Variants in MGA observed in about 807,000 individuals in gnomAD.
MGA encodes MAX dimerization protein MGA.
MGA carries 40 observed loss-of-function variants against 261.1 expected under a neutral mutation model. The ratio of observed to expected loss-of-function variants is 0.15; its 90% CI spans 0.12 to 0.20. The LOEUF (loss-of-function observed/expected upper bound fraction) is 0.20. Ranked by LOEUF, MGA falls within the 10% of genes least tolerant of loss-of-function variation. MGA has a pLI of 1.00. For synonymous variants in MGA, 1,302 were observed against 1,290.6 expected (o/e 1.01, Z -0.19); for missense variants, 3,397 against 3,630.5 (o/e 0.94, Z 1.65).
chr15:41,740,195 G>A lies in MGA; in HGVS notation c.4577G>A (p.Arg1526Gln), dbSNP rs373262820. The stretch of plus-strand genomic sequence containing the variant: ...CTGAAGGCGTTTGTCCCAGCAAAAC[G>A]GCCAATTGGTAAGTTGGGGTGTATG... The change falls in exon 14 of 24, where the codon CGG (arginine) becomes CAG (glutamine). Residue 1526 changes from arginine to glutamine, a missense_variant. Around this residue, in one of 9 missense-constraint regions of MGA, gnomAD observed 1,410 missense variants for 1,386.4 expected, o/e 1.02. Transcript: ENST00000219905. 29 of 1,613,626 alleles carry A rather than the reference G, an allele frequency of 1.8e-5. No individual in the cohort carries two copies. The highest frequency in any genetic ancestry group is 6.7e-5 in the Admixed American group (4 of 59,984).
At chr15:41,636,524 G>C (rs1351226073) in intron 1 of MGA, among the ~76,000 whole-genome samples, 4 of 150,872 alleles carry the variant, frequency 2.7e-5, no homozygotes, top group Admixed American at 1.3e-4. Flanking sequence ...ACAGTGGCGG[G>C]ATCTCGGCTC....
chr15:41,653,548 A>C (rs2057109573), intron 1 of MGA, among the ~76,000 whole-genome samples: 1 of 151,908 alleles, frequency 6.6e-6, no homozygotes, highest in Non-Finnish European at 1.5e-5. Context: ...TCTACGTTAA[A>C]AAATATATAT....
intron 1 of MGA, among the ~76,000 whole-genome samples, chr15:41,623,017 C>G (rs1349895420): frequency 6.6e-6 from 1 of 152,170 alleles, no homozygotes; most frequent in Non-Finnish European, 1.5e-5. Context: ...GTTCTAAATA[C>G]TTTCTACTGT....
At chr15:41,677,644 T>C (rs1161586699) in intron 2 of MGA, among the ~76,000 whole-genome samples, 1 of 152,216 alleles carries the variant, frequency 6.6e-6, no homozygotes, top group Non-Finnish European at 1.5e-5. Flanking sequence ...TTAATGGGTA[T>C]GAAGGGATAG....
intron 1 of MGA, among the ~76,000 whole-genome samples, chr15:41,625,116 T>C (rs2056415565): frequency 6.6e-6 from 1 of 152,120 alleles, no homozygotes; most frequent in African/African-American, 2.4e-5. Flanking sequence ...CACTCCAGAT[T>C]GGCCAACAGA....
In MGA at chr15:41,710,948, T is replaced by C; in HGVS notation, c.2683T>C (p.Ser895Pro). The C allele has an allele frequency of 6.2e-7, 1 of 1,613,974 alleles. No individual in the cohort carries two copies. Among genetic ancestry groups the C allele is most frequent in the Non-Finnish European group, 8.5e-7 (1 of 1,179,884 alleles). ...GAAACCTCATTCTGTACCCCCTGTC[T>C]CTCGAAAGGCAAAGTCTCAAAACAG... The change falls in exon 8 of 24, where the codon TCT becomes CCT. Residue 895 changes from serine (S) to proline (P), a missense_variant. Physicochemically the swap from Ser to Pro is moderately conservative, Grantham distance 74. Transcript: ENST00000219905.
rs755505535 is a variant in MGA at position 41,749,470 on chromosome 15, G to A, written c.5863G>A (p.Val1955Ile). Residue 1955 changes from valine (V) to isoleucine (I), a missense_variant, in exon 17 of 24, where the codon GTT becomes ATT. By Grantham distance (29) the Val-to-Ile change is conservative. Coordinates refer to ENST00000219905, the MANE Select transcript of MGA (RefSeq NM_001164273.2). ...GTTACAGCTCCCAGGACAAAAGCCT[G>A]TTCCTAGCTCCATTCTTCAGCATGT... The A allele has an allele frequency of 7.4e-6, 12 of 1,613,826 alleles. No homozygotes were observed. Among genetic ancestry groups the A allele is most frequent in the African/African-American group, 1.3e-5 (1 of 74,920 alleles).
At chr15:41,707,655 G>A in intron 5 of MGA, 73 bp from the exon 6 acceptor site, 1 of 1,421,658 alleles carries the variant, frequency 7.0e-7, no homozygotes, top group South Asian at 1.4e-5. Flanking sequence ...CCAGGCACAA[G>A]TTAAAAACAA....
intron 2 of MGA, among the ~76,000 whole-genome samples, chr15:41,679,116 A>C (rs922752965): frequency 6.8e-6 from 1 of 146,712 alleles, no homozygotes; most frequent in African/African-American, 2.5e-5. Flanking sequence ...GCTCGCTGCA[A>C]CCTCCGCCTC....
intron 7 of MGA, among the ~76,000 whole-genome samples, chr15:41,709,190 A>T (rs1257970043): frequency 6.6e-6 from 1 of 151,966 alleles, no homozygotes; most frequent in African/African-American, 2.4e-5. Context: ...CTACAAAAAA[A>T]TGCAAAAACA....
rs540189755 is a variant in MGA, at chr15:41,745,436, A to T, written c.5212+2264A>T. ...GTTAGCTACTATATATTCTGAGCAC[A>T]TGGCTTTGCTGTCTTTTTTTTTAAA... On this transcript the variant is annotated intron_variant, in intron 15 of 23. Transcript: ENST00000219905. Among the ~76,000 whole-genome samples, 9 of 151,740 alleles carry T rather than the reference A, an allele frequency of 5.9e-5. No individual in the cohort carries two copies. In the South Asian group the frequency reaches 1.9e-3, roughly 31 times the overall value.
chr15:41,744,795 T>C (rs1053177474), intron 15 of MGA, among the ~76,000 whole-genome samples: 6 of 152,248 alleles, frequency 3.9e-5, no homozygotes, highest in Non-Finnish European at 7.3e-5. Flanking sequence ...TCACATATTT[T>C]GCTGAGTCCC....
At chr15:41,734,984 C>T (rs2061692427) in intron 12 of MGA, among the ~76,000 whole-genome samples, 2 of 152,064 alleles carry the variant, frequency 1.3e-5, no homozygotes, top group South Asian at 4.1e-4. Flanking sequence ...TGTGATTTAG[C>T]TGGCAGAGGC....
Position 41,766,921 on chromosome 15 carries a change from G to A in MGA, c.8839G>A (p.Gly2947Arg). Residue 2947 changes from glycine to arginine, a missense_variant, in exon 24 of 24, where the codon GGA becomes AGA. This residue lies in a region of MGA where 647 missense variants were observed against 642.4 expected (regional missense o/e 1.01). Coordinates refer to ENST00000219905, the MANE Select transcript of MGA (RefSeq NM_001164273.2). The stretch of plus-strand genomic sequence containing the variant: ...CCTTTCCAACAAGAAAGCTATTGAT[G>A]GAGGGAAGAATACTTCTGGCCTCCC... 6.2e-7 allele frequency: 1 copy of A among 1,614,022 alleles called. No homozygotes were observed. The highest frequency in any genetic ancestry group is 8.5e-7 in the Non-Finnish European group (1 of 1,179,890).
chr15:41,672,866 GCACACA>G (rs5812197), intron 2 of MGA, among the ~76,000 whole-genome samples: 22,653 of 150,340 alleles, frequency 0.15, 2,515 homozygotes, highest in East Asian at 0.67. Context: ...ACATGCGTGT[GCACACA>G]CACACACACA....
intron 1 of MGA, among the ~76,000 whole-genome samples, chr15:41,646,465 C>G (rs1323049519): frequency 1.3e-5 from 2 of 151,926 alleles, no homozygotes; most frequent in African/African-American, 4.8e-5. Context: ...CATGCCTCAG[C>G]CTCCCCAGTA....
chr15:41,742,600 G>C lies in MGA; in HGVS notation c.4640G>C (p.Gly1547Ala), dbSNP rs2062181374. Reference sequence around the variant, plus strand: ...ACACAGTTTGTGATGAGTAAAGTTGGAGCCTTGCAGCAGAAGATACCTGGA... The same window carrying C: ...ACACAGTTTGTGATGAGTAAAGTTGCAGCCTTGCAGCAGAAGATACCTGGA... The change falls in exon 15 of 24, where the codon GGA becomes GCA. Residue 1547 changes from glycine to alanine, a missense_variant. By Grantham distance (60) the Gly-to-Ala change is moderately conservative. Around this residue, in one of 9 missense-constraint regions of MGA, gnomAD observed 1,410 missense variants for 1,386.4 expected, o/e 1.02. Coordinates refer to ENST00000219905, the MANE Select transcript of MGA (RefSeq NM_001164273.2). 2 of 1,613,900 alleles carry C rather than the reference G, an allele frequency of 1.2e-6. No homozygotes were observed. Among genetic ancestry groups the C allele is most frequent in the East Asian group, 4.5e-5 (2 of 44,882 alleles).
At chr15:41,715,366 T>A (rs1454178694) in intron 9 of MGA, among the ~76,000 whole-genome samples, 1 of 152,016 alleles carries the variant, frequency 6.6e-6, no homozygotes, top group East Asian at 1.9e-4. Flanking sequence ...GCCAGGCTGG[T>A]CTCGAACACC....
At chr15:41,690,379 G>A (rs1020572747) in intron 2 of MGA, among the ~76,000 whole-genome samples, 1 of 152,112 alleles carries the variant, frequency 6.6e-6, no homozygotes, top group Non-Finnish European at 1.5e-5. Flanking sequence ...GAATAATGTT[G>A]CTGTGAACAT....
Sources: allele counts gnomAD v4.1 joint callset (sites outside exome capture counted in the v4.1 genomes callset), GRCh38; gene constraint gnomAD v4.1.1; regional missense constraint gnomAD v4.1.1; transcripts MANE v1.5; gene names NCBI Gene and HGNC (gene_info 2026-07-23, HGNC 2026-07-21).